Variants in CORO2B observed in about 807,000 individuals in gnomAD.
The protein encoded by CORO2B is coronin-2B.
CORO2B carries 26 observed loss-of-function variants against 58.8 expected under a neutral mutation model. That is an observed-to-expected ratio of 0.44 (90% CI 0.32 to 0.61). CORO2B has a LOEUF of 0.61. CORO2B is among the 20% of genes least tolerant of loss of function. The pLI is 0.04. For synonymous variants in CORO2B, 242 were observed against 253.8 expected, an observed-to-expected ratio of 0.95 and a Z score of 0.44; for missense variants, 460 against 645.1, an observed-to-expected ratio of 0.71 and a Z score of 3.11.
intron 1 of CORO2B, among the ~76,000 whole-genome samples, chr15:68,592,756 A>G (rs867427050): frequency 6.6e-6 from 1 of 152,142 alleles, no homozygotes; most frequent in African/African-American, 2.4e-5. Context: ...AATGTACAGT[A>G]TTCTGGTCTG....
chr15:68,595,375 A>G (rs1209391642), intron 1 of CORO2B, among the ~76,000 whole-genome samples: 3 of 152,194 alleles, frequency 2.0e-5, no homozygotes, highest in African/African-American at 7.2e-5. Flanking sequence ...GGAGTTGCAG[A>G]CACCAGAGAA....
intron 1 of CORO2B, among the ~76,000 whole-genome samples, chr15:68,634,085 C>T (rs111570185): frequency 1.3e-5 from 2 of 152,370 alleles, no homozygotes; most frequent in African/African-American, 4.8e-5. Flanking sequence ...GACTATGAAA[C>T]AGCCTTTTAA....
the CORO2B span, among the ~76,000 whole-genome samples, chr15:68,548,197 G>GTGTGTA: frequency 6.6e-6 from 1 of 151,524 alleles, no homozygotes; most frequent in Admixed American, 6.6e-5. Context: ...ATATGTGTGT[G>GTGTGTA]TGTGTGTGTT....
Position 68,710,589 on chromosome 15 carries a change from T to A in CORO2B, c.334-143T>A. On this transcript the variant is annotated intron_variant, in intron 3 of 11. Coordinates refer to ENST00000261861, the MANE Select transcript of CORO2B (RefSeq NM_006091.5). This position sits in a 1 kb window ranked among gnomAD's most constrained non-coding sequence, Gnocchi z 4.1. ...CCTGAGACCTCCCAGCAGGCCTCAG[T>A]CGAGCTTTGCCCATCGCCTCAAGCC... The A allele has an allele frequency of 1.1e-6, 1 of 951,438 alleles. No individual in the cohort carries two copies. Among genetic ancestry groups the A allele is most frequent in the Non-Finnish European group, 1.5e-6 (1 of 674,294 alleles). The allele number at this position is 951,438 out of a possible 1,614,324, so 58.9% of individuals were successfully genotyped here.
chr15:68,610,949 G>A (rs1343535327), intron 1 of CORO2B, among the ~76,000 whole-genome samples: 2 of 152,216 alleles, frequency 1.3e-5, no homozygotes, highest in East Asian at 1.9e-4. Context: ...GCCAAGGAAA[G>A]AATCCCAGGG....
intron 1 of CORO2B, among the ~76,000 whole-genome samples, chr15:68,638,659 A>AGTAGACT (rs1901112309): frequency 6.6e-6 from 1 of 152,236 alleles, no homozygotes; most frequent in Non-Finnish European, 1.5e-5. Flanking sequence ...TGGAAAGAGC[A>AGTAGACT]GTAGACTAAG....
intron 8 of CORO2B, among the ~76,000 whole-genome samples, chr15:68,716,494 C>T (rs1351451593): frequency 6.6e-6 from 1 of 152,210 alleles, no homozygotes; most frequent in Non-Finnish European, 1.5e-5. Flanking sequence ...GCAAATAAAA[C>T]AGAACATGGC....
intron 1 of CORO2B, among the ~76,000 whole-genome samples, chr15:68,599,912 A>T (rs752882024): frequency 1.6e-4 from 25 of 152,242 alleles, no homozygotes; most frequent in Admixed American, 5.2e-4. Flanking sequence ...AGGATGCATC[A>T]TAATGAACTG....
At chr15:68,558,959 G>A in the CORO2B span, among the ~76,000 whole-genome samples, 33 of 152,138 alleles carry the variant, frequency 2.2e-4, no homozygotes, top group African/African-American at 5.8e-4. Flanking sequence ...GGTGACCCAC[G>A]CCGGCCACGC....
chr15:68,663,455 T>C (rs1055786392), intron 2 of CORO2B, among the ~76,000 whole-genome samples: 1 of 152,218 alleles, frequency 6.6e-6, no homozygotes, highest in Non-Finnish European at 1.5e-5. Flanking sequence ...GTACGTGCTT[T>C]CTTCCAGGAA....
At chr15:68,534,475 G>T in the CORO2B span, among the ~76,000 whole-genome samples, 1 of 152,204 alleles carries the variant, frequency 6.6e-6, no homozygotes. Flanking sequence ...GAAGCTCAAT[G>T]AGTAACTACT....
At chr15:68,531,555 G>GGAAGGAAAGAAAGA in the CORO2B span, among the ~76,000 whole-genome samples, 20 of 77,798 alleles carry the variant, frequency 2.6e-4, no homozygotes, top group African/African-American at 7.3e-4. Context: ...AAGGAAGGAA[G>GGAAGGAAAGAAAGA]GAAAGAAAGA....
the CORO2B span, among the ~76,000 whole-genome samples, chr15:68,531,323 A>C: frequency 2.3e-5 from 1 of 42,564 alleles, no homozygotes; most frequent in Non-Finnish European, 4.4e-5. Context: ...TCAACTAAAA[A>C]TACAAAAATA....
At chr15:68,536,328 T>G in the CORO2B span, among the ~76,000 whole-genome samples, 1 of 152,230 alleles carries the variant, frequency 6.6e-6, no homozygotes, top group Non-Finnish European at 1.5e-5. Context: ...GAATTTCATG[T>G]GACTTGCAAA....
intron 2 of CORO2B, among the ~76,000 whole-genome samples, chr15:68,674,390 C>T (rs920534034): frequency 2.6e-5 from 4 of 152,212 alleles, no homozygotes; most frequent in African/African-American, 7.2e-5. Context: ...GTCTGTAACT[C>T]GGGACTGAAG....
chr15:68,601,504 C>T (rs977739839), intron 1 of CORO2B, among the ~76,000 whole-genome samples: 5 of 152,126 alleles, frequency 3.3e-5, no homozygotes, highest in Admixed American at 2.0e-4. Flanking sequence ...CGGCCATGAG[C>T]GTGCAGTGCG....
chr15:68,726,109 C>A lies in CORO2B; in HGVS notation c.*135C>A. ...CAGCCTGAGGACCCCCGCCTACCAC[C>A]TCGAGAACTGGAAGCCAACCTCTAA... On this transcript the variant is annotated 3_prime_UTR_variant, in exon 12 of 12. Transcript: ENST00000261861. The A allele has an allele frequency of 8.4e-7, 1 of 1,184,478 alleles. No homozygotes were observed. The highest frequency in any genetic ancestry group is 1.2e-6 in the Non-Finnish European group (1 of 847,240). The allele number at this position is 1,184,478 out of a possible 1,614,324, so 73.4% of individuals were successfully genotyped here.
chr15:68,607,346 G>A (rs1159707890), intron 1 of CORO2B, among the ~76,000 whole-genome samples: 6 of 152,256 alleles, frequency 3.9e-5, no homozygotes, highest in African/African-American at 1.2e-4. Context: ...TGGCATGGCC[G>A]CCTCAGAGTA....
chr15:68,544,355 C>A, the CORO2B span, among the ~76,000 whole-genome samples: 1 of 152,202 alleles, frequency 6.6e-6, no homozygotes, highest in Non-Finnish European at 1.5e-5. Context: ...ATTGGCCCAT[C>A]CACTCTGCAC....
Sources: gnomAD v4.1 joint callset for allele counts (sites outside exome capture counted in the v4.1 genomes callset) on GRCh38, gnomAD v4.1.1 for gene constraint, Gnocchi (gnomAD v3.1) non-coding constraint, MANE v1.5 for transcripts, NCBI Gene and HGNC (gene_info 2026-07-23, HGNC 2026-07-21) for gene names.